The following PDE4C variants were observed in gnomAD, a reference collection of about 807,000 sequenced individuals.
PDE4C encodes 3',5'-cyclic-AMP phosphodiesterase 4C.
Under a neutral mutation model 63.9 loss-of-function variants are expected in PDE4C, and 50 were observed. The ratio of observed to expected loss-of-function variants is 0.78; its 90% CI spans 0.62 to 0.99. PDE4C has a LOEUF of 0.99. Ranked by LOEUF, PDE4C falls within the 50% of genes least tolerant of loss-of-function variation. The pLI, the probability that PDE4C is intolerant of heterozygous loss-of-function variation, is 0.00. For missense variants in PDE4C, 777 were observed against 899.1 expected (o/e 0.86, Z 1.74); for synonymous variants, 377 against 385.1 (o/e 0.98, Z 0.25).
At chr19:18,228,839 C>A (rs909124559), upstream of PDE4C, among the ~76,000 whole-genome samples, 1 of 152,238 alleles carries the variant, frequency 6.6e-6, no homozygotes, top group East Asian at 1.9e-4. Flanking sequence ...GACAGAAGCA[C>A]CCCTACCCTG....
upstream of PDE4C, among the ~76,000 whole-genome samples, chr19:18,248,698 T>A (rs2148077781): frequency 6.6e-6 from 1 of 152,196 alleles, no homozygotes; most frequent in Non-Finnish European, 1.5e-5. Flanking sequence ...AGTTGCCCGC[T>A]GTGCTGTGCC....
At chr19:18,224,618 T>A in intron 1 of PDE4C, 1 of 634,844 alleles carries the variant, frequency 1.6e-6, no homozygotes, top group Non-Finnish European at 2.0e-6. Flanking sequence ...TCGGTCTGCT[T>A]CGAACAAGTC....
chr19:18,255,331 C>T, the PDE4C span: 1 of 394,972 alleles, frequency 2.5e-6, no homozygotes, highest in Non-Finnish European at 4.4e-6. The surrounding 1 kb of genome is among the most constrained non-coding windows in gnomAD (Gnocchi z 4.6). Flanking sequence ...GGGCCTGCCA[C>T]CGGCTCTGCA....
At chr19:18,230,222 G>C (rs1968821898), upstream of PDE4C, among the ~76,000 whole-genome samples, 1 of 152,198 alleles carries the variant, frequency 6.6e-6, no homozygotes, top group South Asian at 2.1e-4. Flanking sequence ...AATGCTTGTA[G>C]CGGCTGGGTG....
At chr19:18,249,517 C>A (rs1202368555), upstream of PDE4C, among the ~76,000 whole-genome samples, 1 of 151,420 alleles carries the variant, frequency 6.6e-6, no homozygotes, top group Non-Finnish European at 1.5e-5. Flanking sequence ...TCAAATGATC[C>A]ACCCACCTTT....
At chr19:18,212,464 T>C in intron 13 of PDE4C, among the ~76,000 whole-genome samples, 1 of 140,550 alleles carries the variant, frequency 7.1e-6, no homozygotes, top group African/African-American at 2.6e-5. Context: ...TGTGAGCCAC[T>C]GAGCCCAGCT....
At chr19:18,227,195 C>T (rs1195152658), upstream of PDE4C, among the ~76,000 whole-genome samples, 1 of 152,134 alleles carries the variant, frequency 6.6e-6, no homozygotes, top group Non-Finnish European at 1.5e-5. Context: ...CATCAAACAG[C>T]GCACCAGAAA....
chr19:18,211,065 T>A, exon 15 of PDE4C: 1 of 1,614,230 alleles, frequency 6.2e-7, no homozygotes, highest in Non-Finnish European at 8.5e-7. Context: ...CTCCTCATCC[T>A]CTTCCTCTGC....
At chr19:18,235,984 C>T (rs1968943928), upstream of PDE4C, among the ~76,000 whole-genome samples, 1 of 151,852 alleles carries the variant, frequency 6.6e-6, no homozygotes. Flanking sequence ...ATGGAGTCGC[C>T]CAGGCTGGAG....
At chr19:18,241,298 G>A (rs1306539605) in intron 1 of PDE4C, among the ~76,000 whole-genome samples, 19 of 107,930 alleles carry the variant, frequency 1.8e-4, no homozygotes, top group African/African-American at 4.7e-4. Flanking sequence ...ATGGAGTCTC[G>A]CTCTGTCGCC....
upstream of PDE4C, among the ~76,000 whole-genome samples, chr19:18,251,769 G>A (rs899283095): frequency 7.4e-6 from 1 of 135,602 alleles, no homozygotes; most frequent in Non-Finnish European, 1.6e-5. Context: ...AGATTTTTTT[G>A]TAGAGACAAA....
intron 1 of PDE4C, chr19:18,224,633 T>G (rs1283348723): frequency 1.9e-6 from 1 of 530,052 alleles, no homozygotes; most frequent in East Asian, 1.5e-4. Context: ...CAAGTCCGGG[T>G]GACGCTCGGG....
At position 18,211,284 on chromosome 19, in the gene PDE4C, G is replaced by C; in HGVS notation, c.1696-8C>G. 1 of 1,562,200 alleles carries C rather than the reference G, an allele frequency of 6.4e-7. No individual in the cohort carries two copies. On this transcript the variant is annotated splice_region_variant and splice_polypyrimidine_tract_variant and intron_variant, in intron 14 of 14. Transcript: ENST00000262805. ...GTAGTCAATGAAACCCACCTGTGGC[G>C]GGGGGTGGGGCATGTCGGCATTTGG...
chr19:18,243,393 C>A lies in PDE4C; in HGVS notation c.-210+4778G>T, dbSNP rs368516119. ...AAATTGCTAAGATTACAGGCGTGAG[C>A]CACCACATCCGGTGGTGACTGGTGA... On this transcript the variant is annotated intron_variant, in intron 1 of 15. Transcript: ENST00000594617. Among the ~76,000 whole-genome samples the A allele has an allele frequency of 1.1e-3, 160 of 152,202 alleles. No individual in the cohort carries two copies. The Middle Eastern group carries it at 0.02, about 19-fold the overall frequency.
chr19:18,222,907 C>T (rs1968556267), intron 1 of PDE4C, among the ~76,000 whole-genome samples: 1 of 151,824 alleles, frequency 6.6e-6, no homozygotes, highest in African/African-American at 2.4e-5. Flanking sequence ...ACTATTTTGC[C>T]CAGGCTGGTC....
At chr19:18,231,802 T>C (rs975795352) in intron 1 of PDE4C, among the ~76,000 whole-genome samples, 1 of 152,060 alleles carries the variant, frequency 6.6e-6, no homozygotes, top group Non-Finnish European at 1.5e-5. Flanking sequence ...GACCCTCATG[T>C]AGGGCCCCCT....
In PDE4C at chr19:18,220,861, A is replaced by G. The variant is rs1968439055; in HGVS notation, c.499+13T>C. ...CTGTCCTCAGCGGGGGAGGGAAGGAACAGGTACTTTACCTGCAGGAGGGAG... is the reference window on the plus strand; with the variant it reads ...CTGTCCTCAGCGGGGGAGGGAAGGAGCAGGTACTTTACCTGCAGGAGGGAG... On this transcript the variant is annotated intron_variant, in intron 5 of 14. Coordinates refer to ENST00000262805, the Ensembl canonical transcript of PDE4C. This position sits in a 1 kb window ranked among gnomAD's most constrained non-coding sequence, Gnocchi z 5.1. The G allele has an allele frequency of 4.4e-6, 7 of 1,606,136 alleles. No homozygotes were observed. Among genetic ancestry groups the G allele is most frequent in the Non-Finnish European group, 5.9e-6 (7 of 1,177,020 alleles).
rs369848710 is a variant in PDE4C, at chr19:18,222,632, C to CT, written c.147-310dup. On this transcript the variant is annotated intron_variant, in intron 1 of 14. Transcript: ENST00000262805. ...TTTCTTTTATTTTTTTTCTCTCTTTCTTTTTTTTTTTTCTTTCTCGTTCTT... is the reference window on the plus strand; with the variant it reads ...TTTCTTTTATTTTTTTTCTCTCTTTCTTTTTTTTTTTTTCTTTCTCGTTCTT... Among the ~76,000 whole-genome samples the CT allele has an allele frequency of 2.6e-3, 328 of 126,636 alleles. 1 individual carries two copies. Among genetic ancestry groups the CT allele is most frequent in the African/African-American group, 5.9e-3 (198 of 33,622 alleles). The allele number at this position is 126,636 out of a possible 152,430, so 83.1% of individuals were successfully genotyped here.
intron 1 of PDE4C, chr19:18,224,115 C>A: frequency 1.3e-6 from 1 of 796,470 alleles, no homozygotes; most frequent in East Asian, 1.3e-4. Flanking sequence ...CCTCCCTCTC[C>A]ACACTACCTG....
Sources: gnomAD v4.1 joint callset for allele counts (sites outside exome capture counted in the v4.1 genomes callset) on GRCh38, gnomAD v4.1.1 for gene constraint, Gnocchi (gnomAD v3.1) non-coding constraint, MANE v1.5 for transcripts, NCBI Gene and HGNC (gene_info 2026-07-23, HGNC 2026-07-21) for gene names.